QSOX1: variants seen among roughly 807,000 people sequenced by gnomAD.
The protein encoded by QSOX1 is sulfhydryl oxidase 1.
Under a neutral mutation model 76.1 loss-of-function variants are expected in QSOX1, and 40 were observed. The ratio of observed to expected loss-of-function variants is 0.53; its 90% CI spans 0.41 to 0.68. The LOEUF is 0.68. Among genes scored for constraint, QSOX1 ranks in the 30% least tolerant of loss-of-function variants. The pLI is 0.00. For missense variants in QSOX1, 931 were observed against 974.3 expected (o/e 0.96, Z 0.59); for synonymous variants, 392 against 413.1 (o/e 0.95, Z 0.62).
At chr1:180,182,725 G>C (rs1198168506) in intron 6 of QSOX1, among the ~76,000 whole-genome samples, 1 of 152,208 alleles carries the variant, frequency 6.6e-6, no homozygotes. Context: ...TTCATTAGCA[G>C]CCAGACAATA....
In QSOX1 at chr1:180,199,031, T is replaced by C. The variant is rs1394734075; in HGVS notation, c.*1994T>C. The C allele has an allele frequency of 6.4e-6, 1 of 156,584 alleles. No homozygotes were observed. The highest frequency in any genetic ancestry group is 2.4e-5 in the African/African-American group (1 of 41,482). The allele number at this position is 156,584 out of a possible 1,614,324, so 9.7% of individuals were successfully genotyped here. On this transcript the variant is annotated 3_prime_UTR_variant, in exon 12 of 12. Coordinates refer to ENST00000367602, the MANE Select transcript of QSOX1 (RefSeq NM_002826.5). The stretch of plus-strand genomic sequence containing the variant: ...AATTAGCGCCATGTTGGAAACACTG[T>C]CGCAGCAGCCCGGGCTGCACAGTGT...
intron 6 of QSOX1, 74 bp downstream of exon 6, chr1:180,182,393 G>T (rs1663062980): frequency 6.4e-7 from 1 of 1,571,946 alleles, no homozygotes; most frequent in East Asian, 2.2e-5. Context: ...CAGAGGGGCT[G>T]CCCGCCTTTC....
intron 1 of QSOX1, 130 bp downstream of exon 1, chr1:180,155,302 G>A: frequency 2.3e-6 from 2 of 852,010 alleles, no homozygotes; most frequent in Non-Finnish European, 1.7e-6. Context: ...TCCTCTCCGC[G>A]CATCCCACGC....
At chr1:180,195,592 A>G (rs1345632252) in intron 11 of QSOX1, among the ~76,000 whole-genome samples, 1 of 152,076 alleles carries the variant, frequency 6.6e-6, no homozygotes, top group Non-Finnish European at 1.5e-5. Flanking sequence ...GAGGCTGCCT[A>G]GAGGGCTGGG....
Position 180,168,035 on chromosome 1 carries a change from G to A in QSOX1, c.366+1444G>A, listed in dbSNP as rs539797487. Among the ~76,000 whole-genome samples the A allele has an allele frequency of 5.9e-5, 9 of 152,344 alleles. No homozygotes were observed. In the South Asian group the frequency reaches 1.9e-3, roughly 32 times the overall value. On this transcript the variant is annotated intron_variant, in intron 2 of 11. Transcript: ENST00000367602. ...CAGCCACTGCCCAGCCCCCAGGGGA[G>A]GGGTTGACACTGGTACAGCAGCCAG...
intron 2 of QSOX1, among the ~76,000 whole-genome samples, chr1:180,175,013 C>T (rs955799836): frequency 2.6e-5 from 4 of 151,924 alleles, no homozygotes; most frequent in African/African-American, 7.3e-5. Context: ...AAAAATTAGT[C>T]GAGTGTGGTG....
At chr1:180,192,334 G>A in intron 10 of QSOX1, among the ~76,000 whole-genome samples, 1 of 152,178 alleles carries the variant, frequency 6.6e-6, no homozygotes, top group East Asian at 1.9e-4. Context: ...AGGGTTTGGA[G>A]GTTGGTGTTG....
intron 1 of QSOX1, 123 bp from the exon 2 acceptor site, chr1:180,166,368 C>T (rs2149231648): frequency 1.4e-6 from 1 of 730,014 alleles, no homozygotes; most frequent in East Asian, 2.5e-5. Context: ...TGACCTTTGT[C>T]ATAAGAGCTT....
In QSOX1 at chr1:180,155,057, G is replaced by GCGCGGCGCGGTGCTGGGCTCC; in HGVS notation, c.154_174dup (p.Gly52_Arg58dup). On this transcript the variant is annotated inframe_insertion, in exon 1 of 12. Coordinates refer to ENST00000367602, the MANE Select transcript of QSOX1 (RefSeq NM_002826.5). Reference sequence around the variant, plus strand: ...TGACGCTGCTGCAGGCGGACACGGTGCGCGGCGCGGTGCTGGGCTCCCGCA... The same window carrying GCGCGGCGCGGTGCTGGGCTCC: ...TGACGCTGCTGCAGGCGGACACGGTGCGCGGCGCGGTGCTGGGCTCCCGCGGCGCGGTGCTGGGCTCCCGCA... The GCGCGGCGCGGTGCTGGGCTCC allele has an allele frequency of 6.6e-7, 1 of 1,514,340 alleles. No homozygotes were observed. Among genetic ancestry groups the GCGCGGCGCGGTGCTGGGCTCC allele is most frequent in the Non-Finnish European group, 8.8e-7 (1 of 1,138,158 alleles). The allele number at this position is 1,514,340 out of a possible 1,614,324, so 93.8% of individuals were successfully genotyped here. A position where few individuals can be genotyped will look rare whatever the true frequency, so the allele number is the denominator to read the frequency against.
chr1:180,188,423 TC>T (rs1184870932), intron 8 of QSOX1, among the ~76,000 whole-genome samples: 1 of 152,244 alleles, frequency 6.6e-6, no homozygotes, highest in African/African-American at 2.4e-5. Flanking sequence ...GCTCCTTAAT[TC>T]ATCCATCCTT....
In QSOX1 at chr1:180,197,087, A is replaced by C. The variant is rs1389734733; in HGVS notation, c.*50A>C. The C allele has an allele frequency of 1.3e-6, 2 of 1,550,646 alleles. No individual in the cohort carries two copies. ...GGGAGCTGCCATCTCTAGGCACCTC[A>C]AGCCCCCTGACCCCATTCCCTCCCC... On this transcript the variant is annotated 3_prime_UTR_variant, in exon 12 of 12. Transcript: ENST00000367602.
chr1:180,169,653 C>T (rs1662717666), intron 2 of QSOX1, among the ~76,000 whole-genome samples: 1 of 152,384 alleles, frequency 6.6e-6, no homozygotes, highest in South Asian at 2.1e-4. Context: ...CCATCTCACT[C>T]CTGGGCCACC....
chr1:180,184,269 G>A (rs955095714), intron 7 of QSOX1, among the ~76,000 whole-genome samples: 1 of 152,168 alleles, frequency 6.6e-6, no homozygotes, highest in African/African-American at 2.4e-5. Flanking sequence ...TGTCTGTTGC[G>A]GGGCCGGGGC....
Position 180,197,930 on chromosome 1 carries a change from AG to A in QSOX1, c.*894del. On this transcript the variant is annotated 3_prime_UTR_variant, in exon 12 of 12. Transcript: ENST00000367602. ...CTCCAGGTTTCACCTTCCAGTGTGC[AG>A]AAGTTAGAAGGGTCTGGCGGGGGCA... 1 of 337,450 alleles carries A rather than the reference AG, an allele frequency of 3.0e-6. No individual in the cohort carries two copies. Among genetic ancestry groups the A allele is most frequent in the Non-Finnish European group, 5.9e-6 (1 of 169,326 alleles). The allele number at this position is 337,450 out of a possible 1,614,324, so 20.9% of individuals were successfully genotyped here.
intron 2 of QSOX1, among the ~76,000 whole-genome samples, chr1:180,168,289 G>T (rs1055335010): frequency 2.0e-5 from 3 of 152,200 alleles, no homozygotes; most frequent in Admixed American, 2.0e-4. Context: ...GAGGGCCCTC[G>T]CTGGGCTCCT....
At chr1:180,194,439 G>T in intron 11 of QSOX1, 47 bp downstream of exon 11, 1 of 1,499,990 alleles carries the variant, frequency 6.7e-7, no homozygotes, top group Non-Finnish European at 8.9e-7. Context: ...TGGGGGACGA[G>T]GGGGTGAGGA....
intron 4 of QSOX1, among the ~76,000 whole-genome samples, chr1:180,177,741 C>G (rs1348033267): frequency 2.6e-5 from 4 of 152,164 alleles, no homozygotes; most frequent in Admixed American, 6.5e-5. Flanking sequence ...CTGATGCCAC[C>G]CTAAAGGCTC....
intron 2 of QSOX1, among the ~76,000 whole-genome samples, chr1:180,170,324 T>C (rs895823344): frequency 2.0e-5 from 3 of 152,202 alleles, no homozygotes; most frequent in Non-Finnish European, 4.4e-5. Context: ...GTCTTCTCCA[T>C]GGATAATCCA....
chr1:180,192,573 A>G (rs1663344817), intron 10 of QSOX1, among the ~76,000 whole-genome samples: 1 of 152,088 alleles, frequency 6.6e-6, no homozygotes, highest in Non-Finnish European at 1.5e-5. Context: ...ACTTACTGAT[A>G]GATTGGAGGA....
Sources: allele counts gnomAD v4.1 joint callset (sites outside exome capture counted in the v4.1 genomes callset), GRCh38; gene constraint gnomAD v4.1.1; transcripts MANE v1.5; gene names NCBI Gene and HGNC (gene_info 2026-07-23, HGNC 2026-07-21).